Variants in ADAM29 observed in about 807,000 individuals in gnomAD.
ADAM29 encodes ADAM metallopeptidase domain 29.
For missense variants in ADAM29, 969 were observed against 1,001.8 expected (o/e 0.97, Z 0.44); for synonymous variants, 367 against 342.3 (o/e 1.07, Z -0.80).
At chr4:174,932,536 G>A (rs1291602034) in intron 3 of ADAM29, among the ~76,000 whole-genome samples, 2 of 152,088 alleles carry the variant, frequency 1.3e-5, no homozygotes, top group Admixed American at 1.3e-4. Flanking sequence ...TAGGGCCACA[G>A]CCCATAGGAC....
At chr4:174,960,674 G>C (rs904849695) in intron 4 of ADAM29, among the ~76,000 whole-genome samples, 1 of 152,076 alleles carries the variant, frequency 6.6e-6, no homozygotes, top group African/African-American at 2.4e-5. Context: ...ACGCCTCTTT[G>C]ATTCTATCAC....
intron 4 of ADAM29, among the ~76,000 whole-genome samples, chr4:174,941,693 G>A (rs1280428399): frequency 6.6e-6 from 1 of 152,158 alleles, no homozygotes; most frequent in Non-Finnish European, 1.5e-5. Context: ...GATGAGATTG[G>A]GGGGACACAG....
intron 4 of ADAM29, among the ~76,000 whole-genome samples, chr4:174,957,641 T>A (rs1003828008): frequency 1.3e-5 from 2 of 151,778 alleles, no homozygotes; most frequent in East Asian, 3.8e-4. Context: ...ACACTGAAGA[T>A]TCAAGCAGCC....
intron 4 of ADAM29, among the ~76,000 whole-genome samples, chr4:174,967,145 G>C (rs552037811): frequency 5.9e-4 from 90 of 152,136 alleles, no homozygotes; most frequent in Non-Finnish European, 1.2e-3. Context: ...ACATTTTTGA[G>C]TTTGTTTTAA....
intron 4 of ADAM29, among the ~76,000 whole-genome samples, chr4:174,944,520 AT>A (rs908291103): frequency 2.7e-5 from 4 of 150,782 alleles, no homozygotes; most frequent in Admixed American, 6.6e-5. Context: ...CCTTATTTGT[AT>A]TTTTTTTTAA....
chr4:174,960,591 A>G (rs1159430626), intron 4 of ADAM29, among the ~76,000 whole-genome samples: 1 of 152,130 alleles, frequency 6.6e-6, no homozygotes, highest in East Asian at 1.9e-4. Context: ...TTACATCTTT[A>G]GTAGTTTTTT....
At chr4:174,954,335 C>T (rs184557904) in intron 4 of ADAM29, among the ~76,000 whole-genome samples, 1 of 152,212 alleles carries the variant, frequency 6.6e-6, no homozygotes, top group African/African-American at 2.4e-5. Flanking sequence ...ATCTTCAAAC[C>T]AGACACATGT....
intron 3 of ADAM29, among the ~76,000 whole-genome samples, chr4:174,934,960 C>T (rs1744118441): frequency 6.6e-6 from 1 of 151,998 alleles, no homozygotes; most frequent in Non-Finnish European, 1.5e-5. Flanking sequence ...TATTATATTA[C>T]CTGAATGGAT....
chr4:174,942,011 A>G (rs570127985), intron 4 of ADAM29, among the ~76,000 whole-genome samples: 10 of 152,324 alleles, frequency 6.6e-5, no homozygotes, highest in African/African-American at 2.4e-4. Context: ...TCCAAAACCC[A>G]TAAGGGCAGT....
At chr4:174,952,587 C>A (rs116462042) in intron 4 of ADAM29, among the ~76,000 whole-genome samples, 1 of 151,778 alleles carries the variant, frequency 6.6e-6, no homozygotes, top group South Asian at 2.1e-4. Context: ...TCTAAATGGG[C>A]GATGGAAACT....
chr4:174,956,251 C>A (rs1745492131), intron 4 of ADAM29, among the ~76,000 whole-genome samples: 1 of 152,078 alleles, frequency 6.6e-6, no homozygotes, highest in South Asian at 2.1e-4. Context: ...CCATGAAATT[C>A]TTTGCAGCTA....
chr4:174,941,748 G>A (rs1744552537), intron 4 of ADAM29, among the ~76,000 whole-genome samples: 1 of 152,098 alleles, frequency 6.6e-6, no homozygotes, highest in African/African-American at 2.4e-5. Flanking sequence ...CAAATCTCAT[G>A]TCCTTCTTAC....
chr4:174,924,131 A>G (rs941451061), intron 2 of ADAM29: 1 of 152,232 alleles, frequency 6.6e-6, no homozygotes, highest in East Asian at 1.9e-4. Flanking sequence ...AATCATACCT[A>G]ACACTCAACA....
At chr4:174,932,372 A>G (rs964872788) in intron 3 of ADAM29, among the ~76,000 whole-genome samples, 2 of 152,214 alleles carry the variant, frequency 1.3e-5, no homozygotes, top group Non-Finnish European at 2.9e-5. Flanking sequence ...AAGATGTAAC[A>G]ATTCTTAGTT....
intron 4 of ADAM29, among the ~76,000 whole-genome samples, chr4:174,957,797 A>T (rs941619629): frequency 2.6e-5 from 4 of 151,826 alleles, no homozygotes; most frequent in African/African-American, 9.7e-5. Context: ...ATTAGATCAG[A>T]ATGAATTTAA....
chr4:174,975,497 A>G lies in ADAM29; in HGVS notation c.-29A>G. 1 of 1,495,426 alleles carries G rather than the reference A, an allele frequency of 6.7e-7. No individual in the cohort carries two copies. The highest frequency in any genetic ancestry group is 8.9e-7 in the Non-Finnish European group (1 of 1,122,482). 92.6% of individuals were successfully genotyped at this position (1,495,426 alleles called of 1,614,324 possible). A position where few individuals can be genotyped will look rare whatever the true frequency, so the allele number is the denominator to read the frequency against. On this transcript the variant is annotated 5_prime_UTR_variant, in exon 5 of 5. Coordinates refer to ENST00000359240, the MANE Select transcript of ADAM29 (RefSeq NM_014269.4). The stretch of plus-strand genomic sequence containing the variant: ...AGTGTTTCCATAACAGGGACTTCAA[A>G]ATCACTGTGATTTGAAGCCTTTTTG...
At chr4:174,930,136 G>T (rs1560861912) in intron 2 of ADAM29, among the ~76,000 whole-genome samples, 1 of 152,044 alleles carries the variant, frequency 6.6e-6, no homozygotes, top group Non-Finnish European at 1.5e-5. Context: ...CACCATGTTA[G>T]CCAGGATGGT....
intron 4 of ADAM29, among the ~76,000 whole-genome samples, chr4:174,942,335 G>A (rs1393203812): frequency 6.6e-6 from 1 of 152,152 alleles, no homozygotes; most frequent in African/African-American, 2.4e-5. Flanking sequence ...CCTCTGCATT[G>A]CCTTAATAGA....
intron 4 of ADAM29, among the ~76,000 whole-genome samples, chr4:174,965,525 T>TCAA (rs1746108773): frequency 6.7e-6 from 1 of 148,292 alleles, no homozygotes; most frequent in Non-Finnish European, 1.5e-5. Flanking sequence ...CTATCTATCA[T>TCAA]CTATCATCTA....
Sources: gnomAD v4.1 joint callset for allele counts (sites outside exome capture counted in the v4.1 genomes callset) on GRCh38, gnomAD v4.1.1 for gene constraint, MANE v1.5 for transcripts, NCBI Gene and HGNC (gene_info 2026-07-23, HGNC 2026-07-21) for gene names.